OTUD7A: variants seen among roughly 807,000 people sequenced by gnomAD.
OTUD7A encodes OTU domain-containing protein 7A.
In OTUD7A, 12 loss-of-function variants were observed where a neutral mutation model predicts 65.7. That is an observed-to-expected ratio of 0.18 (90% CI 0.12 to 0.30). The LOEUF (loss-of-function observed/expected upper bound fraction) is 0.30. Ranked by LOEUF, OTUD7A falls within the 10% of genes least tolerant of loss-of-function variation. OTUD7A has a pLI of 1.00. For missense variants in OTUD7A, 1,148 were observed against 1,304.8 expected (o/e 0.88, Z 1.85); for synonymous variants, 641 against 586.3 (o/e 1.09, Z -1.35).
chr15:31,813,070 T>A (rs1487362903), intron 1 of OTUD7A, among the ~76,000 whole-genome samples: 1 of 152,186 alleles, frequency 6.6e-6, no homozygotes, highest in Non-Finnish European at 1.5e-5. Flanking sequence ...GCAAGACACC[T>A]GATGCGGCAG....
chr15:31,672,394 T>A (rs1018211753), intron 1 of OTUD7A, among the ~76,000 whole-genome samples: 1 of 152,234 alleles, frequency 6.6e-6, no homozygotes, highest in Non-Finnish European at 1.5e-5. Context: ...TTCAAATTTA[T>A]TTGAATGGAG....
chr15:31,546,469 C>T (rs1433056193), intron 5 of OTUD7A, among the ~76,000 whole-genome samples: 1 of 152,172 alleles, frequency 6.6e-6, no homozygotes, highest in Admixed American at 6.5e-5. Flanking sequence ...GTATAAAAGA[C>T]TCTAGAGAGC....
At chr15:31,621,388 T>A (rs12915255) in intron 3 of OTUD7A, among the ~76,000 whole-genome samples, 4 of 152,118 alleles carry the variant, frequency 2.6e-5, no homozygotes, top group East Asian at 1.9e-4. Context: ...CCCATTATTA[T>A]TGTGTGGGAG....
intron 3 of OTUD7A, among the ~76,000 whole-genome samples, chr15:31,572,812 T>G (rs955957335): frequency 5.3e-5 from 8 of 151,778 alleles, no homozygotes; most frequent in African/African-American, 1.7e-4. Flanking sequence ...ATAGTAAGAA[T>G]GATAAAAATG....
intron 1 of OTUD7A, among the ~76,000 whole-genome samples, chr15:31,774,977 T>TAAA (rs3046536): frequency 0.49 from 71,461 of 144,542 alleles, 19,802 homozygotes; most frequent in South Asian, 0.68. Context: ...AAAAGATAGT[T>TAAA]AAAAAAAAAA....
intron 8 of OTUD7A, among the ~76,000 whole-genome samples, chr15:31,524,011 G>A (rs902945699): frequency 6.6e-6 from 1 of 152,202 alleles, no homozygotes; most frequent in African/African-American, 2.4e-5. Context: ...TTTATGCCTG[G>A]TTCCAAAGGC....
intron 1 of OTUD7A, among the ~76,000 whole-genome samples, chr15:31,830,821 A>G (rs1896912494): frequency 6.6e-6 from 1 of 152,248 alleles, no homozygotes; most frequent in Non-Finnish European, 1.5e-5. Flanking sequence ...CATCGTTGCC[A>G]TGTTATGCAC....
chr15:31,507,469 T>C (rs958910363), intron 8 of OTUD7A, among the ~76,000 whole-genome samples: 10 of 152,204 alleles, frequency 6.6e-5, no homozygotes, highest in Non-Finnish European at 1.5e-4. Context: ...TTCCTTCCAG[T>C]GGCTTTGTGG....
intron 3 of OTUD7A, among the ~76,000 whole-genome samples, chr15:31,651,782 G>T (rs9989315): frequency 0.31 from 46,535 of 151,846 alleles, 8,352 homozygotes; most frequent in African/African-American, 0.49. Context: ...AATACACATA[G>T]AACAAAACAT....
chr15:31,641,356 AG>A (rs1257066060), intron 3 of OTUD7A, among the ~76,000 whole-genome samples: 2 of 152,240 alleles, frequency 1.3e-5, no homozygotes, highest in African/African-American at 4.8e-5. Flanking sequence ...ATTTCTTCAT[AG>A]CAATGTGAGA....
intron 4 of OTUD7A, among the ~76,000 whole-genome samples, chr15:31,559,939 C>T (rs1203806200): frequency 6.6e-6 from 1 of 152,210 alleles, no homozygotes; most frequent in Non-Finnish European, 1.5e-5. Context: ...GATTAATCAC[C>T]ACCACCTGGT....
At chr15:31,676,406 A>G (rs1053301577) in intron 1 of OTUD7A, among the ~76,000 whole-genome samples, 3 of 152,178 alleles carry the variant, frequency 2.0e-5, no homozygotes, top group Admixed American at 6.5e-5. Flanking sequence ...CTGCTTTACC[A>G]GTTTTTCCTG....
At chr15:31,632,334 T>C (rs919080510) in intron 3 of OTUD7A, among the ~76,000 whole-genome samples, 41 of 152,392 alleles carry the variant, frequency 2.7e-4, no homozygotes, top group African/African-American at 8.7e-4. Flanking sequence ...GCAGGTCTGT[T>C]GGAGTTTGCT....
intron 1 of OTUD7A, among the ~76,000 whole-genome samples, chr15:31,703,162 T>C (rs1300016061): frequency 6.6e-6 from 1 of 151,850 alleles, no homozygotes; most frequent in Non-Finnish European, 1.5e-5. Context: ...TTTTTGAAAA[T>C]AAACATACGA....
At position 31,475,667 on chromosome 15, in the gene OTUD7A, G is replaced by C. The variant is rs1431161036; in HGVS notation, c.*7627C>G. On this transcript the variant is annotated 3_prime_UTR_variant, in exon 13 of 13. Transcript: ENST00000307050. ...AGTAATATCCCAACCACAGAAGACA[G>C]CTCTTACAATGGGTTTCTTCTCCAA... The C allele has an allele frequency of 6.6e-6, 1 of 152,220 alleles. No homozygotes were observed. The highest frequency in any genetic ancestry group is 1.9e-4 in the East Asian group (1 of 5,208). The allele number at this position is 152,220 out of a possible 1,614,324, so 9.4% of individuals were successfully genotyped here. A position where few individuals can be genotyped will look rare whatever the true frequency, so the allele number is the denominator to read the frequency against.
intron 4 of OTUD7A, among the ~76,000 whole-genome samples, chr15:31,563,458 C>T (rs979472399): frequency 6.6e-5 from 10 of 152,230 alleles, no homozygotes; most frequent in African/African-American, 2.4e-4. Flanking sequence ...TGTCCTCACA[C>T]ACACCTAGAA....
rs775774821 is a variant in OTUD7A at position 31,484,485 on chromosome 15, T to C, written c.1611A>G (p.Lys537=). Residue 537 remains lysine, a synonymous_variant, in exon 13 of 13, where the codon AAA becomes AAG. Coordinates refer to ENST00000307050, the MANE Select transcript of OTUD7A (RefSeq NM_001382637.1). This position sits in a 1 kb window ranked among gnomAD's most constrained non-coding sequence, Gnocchi z 4.5. ...CCAGGCCGCCGAGGCCGCCCATGTT[T>C]TTCTTCAGCTTGATGCCCAGCGTCT... is the stretch of plus-strand genomic sequence containing the variant. ...FSKTLGIKLK[K]NMGGLGGLVH... The C allele has an allele frequency of 1.9e-6, 3 of 1,608,218 alleles. No individual in the cohort carries two copies. Among genetic ancestry groups the C allele is most frequent in the South Asian group, 1.1e-5 (1 of 91,082 alleles).
intron 3 of OTUD7A, among the ~76,000 whole-genome samples, chr15:31,646,153 A>G (rs1322396902): frequency 6.6e-6 from 1 of 151,652 alleles, no homozygotes; most frequent in Non-Finnish European, 1.5e-5. Context: ...TTACGCCCAC[A>G]TTACTGAGTG....
At chr15:31,757,662 C>G (rs910056780) in intron 1 of OTUD7A, among the ~76,000 whole-genome samples, 1 of 152,174 alleles carries the variant, frequency 6.6e-6, no homozygotes, top group Non-Finnish European at 1.5e-5. Context: ...CAAAATCTCT[C>G]TTCCAAGACA....
Sources: gnomAD v4.1 joint callset for allele counts (sites outside exome capture counted in the v4.1 genomes callset) on GRCh38, gnomAD v4.1.1 for gene constraint, Gnocchi (gnomAD v3.1) non-coding constraint, MANE v1.5 for transcripts, NCBI Gene and HGNC (gene_info 2026-07-23, HGNC 2026-07-21) for gene names.